Variants in ARHGEF16 observed in about 807,000 individuals in gnomAD.
The protein encoded by ARHGEF16 is Rho guanine nucleotide exchange factor 16.
A neutral mutation model predicts 74.1 loss-of-function variants in ARHGEF16; 59 were observed. That is an observed-to-expected ratio of 0.80 (90% CI 0.65 to 0.99). ARHGEF16 has a LOEUF of 0.99. Among genes scored for constraint, ARHGEF16 ranks in the 50% least tolerant of loss-of-function variants. The pLI is 0.00. For synonymous variants in ARHGEF16, 415 were observed against 412.6 expected, an observed-to-expected ratio of 1.01 and a Z score of -0.07; for missense variants, 948 against 986.6, an observed-to-expected ratio of 0.96 and a Z score of 0.52.
intron 1 of ARHGEF16, among the ~76,000 whole-genome samples, chr1:3,457,185 C>T (rs1639283602): frequency 6.6e-6 from 1 of 152,252 alleles, no homozygotes; most frequent in African/African-American, 2.4e-5. Context: ...GCAAGTCCTC[C>T]CCCCGATTAT....
In ARHGEF16 at chr1:3,468,953, C is replaced by T. The variant is rs759329587; in HGVS notation, c.861+17C>T. ...AGGCAGGAGGTAAAAGGGCCCTGGGCGGGAGGGCTGTCCCCCATGGCCTGG... is the reference window on the plus strand; with the variant it reads ...AGGCAGGAGGTAAAAGGGCCCTGGGTGGGAGGGCTGTCCCCCATGGCCTGG... On this transcript the variant is annotated intron_variant, in intron 5 of 14. Transcript: ENST00000378378. 90 of 1,549,252 alleles carry T rather than the reference C, an allele frequency of 5.8e-5. No individual in the cohort carries two copies. In the African/African-American group the frequency reaches 1.0e-3, roughly 17 times the overall value.
At chr1:3,465,873 G>A (rs1639528144) in intron 2 of ARHGEF16, 1 of 459,510 alleles carries the variant, frequency 2.2e-6, no homozygotes, top group East Asian at 4.4e-5. Context: ...CCTGCCACGG[G>A]CCTGCTCGAA....
chr1:3,480,044 C>T, intron 14 of ARHGEF16, 131 bp downstream of exon 14: 1 of 881,926 alleles, frequency 1.1e-6, no homozygotes, highest in Non-Finnish European at 1.8e-6. Context: ...TCGAGGGCTT[C>T]CTCAAAGGGA....
In ARHGEF16 at chr1:3,467,169, C is replaced by T; in HGVS notation, c.636C>T (p.Asp212=). ...KRGHKGSFKD[D]PQLYQEIQER... Reference sequence around the variant, plus strand: ...AGGTTACCCTCCTTCTCTCTCTAGACCCCCAGCTCTACCAGGAGATCCAGG... The same window carrying T: ...AGGTTACCCTCCTTCTCTCTCTAGATCCCCAGCTCTACCAGGAGATCCAGG... The change falls in exon 4 of 15, where the codon GAC becomes GAT. Residue 212 remains aspartate, a splice_region_variant and synonymous_variant. Transcript: ENST00000378378. 3 of 1,550,366 alleles carry T rather than the reference C, an allele frequency of 1.9e-6. No individual in the cohort carries two copies. The highest frequency in any genetic ancestry group is 1.4e-5 in the African/African-American group (1 of 73,180).
chr1:3,477,809 C>A, intron 10 of ARHGEF16, 66 bp from the exon 11 acceptor site: 1 of 1,527,344 alleles, frequency 6.5e-7, no homozygotes, highest in Non-Finnish European at 9.0e-7. Flanking sequence ...TGGGGACCTG[C>A]TCACCCCGGC....
chr1:3,479,419 C>A, intron 12 of ARHGEF16, 98 bp from the exon 13 acceptor site: 8 of 1,336,168 alleles, frequency 6.0e-6, no homozygotes, highest in Non-Finnish European at 6.3e-6. Flanking sequence ...ACCCCCATCT[C>A]CTTGCCACGG....
intron 3 of ARHGEF16, 102 bp downstream of exon 3, chr1:3,466,295 G>T (rs1482397744): frequency 6.1e-6 from 8 of 1,302,240 alleles, no homozygotes; most frequent in Non-Finnish European, 7.3e-6. Context: ...GTGTCTCGGG[G>T]TCACCAAAGC....
intron 4 of ARHGEF16, among the ~76,000 whole-genome samples, chr1:3,468,354 C>T (rs1639606225): frequency 6.6e-6 from 1 of 152,222 alleles, no homozygotes; most frequent in Non-Finnish European, 1.5e-5. Context: ...TGGCAGCCCT[C>T]CTGGTCCTGA....
chr1:3,467,278 G>A lies in ARHGEF16; in HGVS notation c.745G>A (p.Ala249Thr), dbSNP rs112226818. 1.0e-5 allele frequency: 16 copies of A among 1,550,356 alleles called. No homozygotes were observed. Among genetic ancestry groups the A allele is most frequent in the African/African-American group, 6.8e-5 (5 of 73,164 alleles). ...CCCCGAGGGAACCCAGAAGGTGGAC[G>A]CCACCATTGTGGTCAAGAGCTACCG... ...SSPEGTQKVD[A>T]TIVVKSYRPA... Residue 249 changes from alanine (A) to threonine (T), a missense_variant, in exon 4 of 15, where the codon GCC becomes ACC. Coordinates refer to ENST00000378378, the MANE Select transcript of ARHGEF16 (RefSeq NM_014448.4).
intron 10 of ARHGEF16, among the ~76,000 whole-genome samples, chr1:3,477,534 G>A (rs74050524): frequency 0.025 from 3,727 of 150,708 alleles, 137 homozygotes; most frequent in African/African-American, 0.085. Context: ...GAGGCCCAGC[G>A]TCTGCGTAAT....
chr1:3,470,296 G>T (rs1364655346), intron 6 of ARHGEF16, among the ~76,000 whole-genome samples: 1 of 151,424 alleles, frequency 6.6e-6, no homozygotes, highest in Non-Finnish European at 1.5e-5. Context: ...GTATGCATGG[G>T]CAGGGGTGTC....
chr1:3,470,018 T>C (rs975948688), intron 6 of ARHGEF16, among the ~76,000 whole-genome samples: 2 of 152,292 alleles, frequency 1.3e-5, no homozygotes, highest in Middle Eastern at 6.8e-3. Flanking sequence ...TGGCTGGACC[T>C]GAGCTCTGGT....
At chr1:3,469,154 C>T (rs553688922) in intron 5 of ARHGEF16, among the ~76,000 whole-genome samples, 2 of 152,314 alleles carry the variant, frequency 1.3e-5, no homozygotes, top group African/African-American at 4.8e-5. Context: ...GGTGAATCCT[C>T]GGAGTCCAGG....
At chr1:3,454,858 C>T (rs1007218607) in intron 1 of ARHGEF16, 47 bp downstream of exon 1, 2 of 151,660 alleles carry the variant, frequency 1.3e-5, no homozygotes, top group African/African-American at 4.8e-5. Context: ...AGTCGGGGCT[C>T]GGGGGAGCCG....
chr1:3,467,583 C>G (rs939578560), intron 4 of ARHGEF16, among the ~76,000 whole-genome samples: 1 of 152,222 alleles, frequency 6.6e-6, no homozygotes, highest in Admixed American at 6.5e-5. Context: ...GCCAGCCCTG[C>G]TCAGACTACC....
Position 3,469,539 on chromosome 1 carries a change from T to C in ARHGEF16, c.968T>C (p.Met323Thr), listed in dbSNP as rs1216547766. The C allele has an allele frequency of 1.2e-6, 2 of 1,613,080 alleles. No individual in the cohort carries two copies. Among genetic ancestry groups the C allele is most frequent in the South Asian group, 2.2e-5 (2 of 91,078 alleles). Residue 323 changes from methionine to threonine, a missense_variant, in exon 6 of 15, where the codon ATG becomes ACG. Transcript: ENST00000378378. ...SKELRATVTQ[M>T]EHHHLFSNIL... is the part of the protein sequence containing the mutation. ...GAGCTGCGGGCGACCGTGACCCAGA[T>C]GGAGCACCACCACCTCTTCTCCAAC...
At chr1:3,471,730 C>G in intron 6 of ARHGEF16, 1 of 1,216,790 alleles carries the variant, frequency 8.2e-7, no homozygotes, top group South Asian at 1.4e-5. Flanking sequence ...CCTCCCCCAG[C>G]TGGGCCCCCG....
chr1:3,476,075 G>A lies in ARHGEF16; in HGVS notation c.1473+13G>A, dbSNP rs773394281. 39 of 1,548,766 alleles carry A rather than the reference G, an allele frequency of 2.5e-5. No homozygotes were observed. Among genetic ancestry groups the A allele is most frequent in the South Asian group, 6.0e-5 (5 of 83,840 alleles). The stretch of plus-strand genomic sequence containing the variant: ...CAGCAAGGTCAAGGTAGGTGGCCCC[G>A]GACATCAGGGCCACTCGGACCACTT... On this transcript the variant is annotated intron_variant, in intron 10 of 14. Coordinates refer to ENST00000378378, the MANE Select transcript of ARHGEF16 (RefSeq NM_014448.4).
At chr1:3,478,150 T>C (rs952549055) in intron 11 of ARHGEF16, 124 bp downstream of exon 11, 15 of 1,350,686 alleles carry the variant, frequency 1.1e-5, no homozygotes, top group Non-Finnish European at 1.5e-5. Flanking sequence ...AGGCGCGGCT[T>C]CCACTCGGCA....
Sources: allele counts gnomAD v4.1 joint callset (sites outside exome capture counted in the v4.1 genomes callset), GRCh38; gene constraint gnomAD v4.1.1; transcripts MANE v1.5; gene names NCBI Gene and HGNC (gene_info 2026-07-23, HGNC 2026-07-21).